SHANK2: variants seen among roughly 807,000 people sequenced by gnomAD.
SHANK2 encodes SH3 and multiple ankyrin repeat domains 2.
A neutral mutation model predicts 133.7 loss-of-function variants in SHANK2; 43 were observed. That is an observed-to-expected ratio of 0.32 (90% confidence interval 0.25 to 0.41). The LOEUF (loss-of-function observed/expected upper bound fraction) is 0.41. Among genes scored for constraint, SHANK2 ranks in the 10% least tolerant of loss-of-function variants. The pLI is 1.00. For synonymous variants in SHANK2, 1,017 were observed against 952.8 expected, an observed-to-expected ratio of 1.07 and a Z score of -1.24; for missense variants, 1,994 against 2,235.8, an observed-to-expected ratio of 0.89 and a Z score of 2.18.
Position 70,487,900 on chromosome 11 carries a change from A to C in SHANK2, c.2573-180T>G, listed in dbSNP as rs528007611. Among the ~76,000 whole-genome samples the C allele has an allele frequency of 6.6e-6, 1 of 152,312 alleles. No individual in the cohort carries two copies. The highest frequency in any genetic ancestry group is 1.9e-4 in the East Asian group (1 of 5,180). On this transcript the variant is annotated intron_variant, in intron 24 of 25. Coordinates refer to ENST00000601538, the MANE Select transcript of SHANK2 (RefSeq NM_012309.5). The surrounding 1 kb of genome is among the most constrained non-coding windows in gnomAD (Gnocchi z 5.8). The stretch of plus-strand genomic sequence containing the variant: ...TAGTCACATGGCCCGTCGTGAGCCA[A>C]AGGACAAGAAAGGGAAGAACAGAAA...
chr11:70,881,574 TTAATAA>T (rs71049950), intron 11 of SHANK2, among the ~76,000 whole-genome samples: 1 of 39,338 alleles, frequency 2.5e-5, no homozygotes, highest in African/African-American at 4.2e-5. Context: ...AATAATAATA[TTAATAA>T]TAATAATAAT....
rs1440287740 is a variant in SHANK2 at position 70,837,941 on chromosome 11, T to C, written c.1175-17259A>G. 2.6e-5 allele frequency among the ~76,000 whole-genome samples: 3 copies of C among 117,184 alleles called. No individual in the cohort carries two copies. In the South Asian group the frequency reaches 8.4e-4, roughly 33 times the overall value. The allele number at this position is 117,184 out of a possible 152,430, so 76.9% of individuals were successfully genotyped here. A position where few individuals can be genotyped will look rare whatever the true frequency, so the allele number is the denominator to read the frequency against. The stretch of plus-strand genomic sequence containing the variant: ...GTGAGCCAAGATGGTGCCATTGCAC[T>C]CCAGCCTGGGCAACAGAGCAAAACA... On this transcript the variant is annotated intron_variant, in intron 11 of 25. Coordinates refer to ENST00000601538, the MANE Select transcript of SHANK2 (RefSeq NM_012309.5).
chr11:71,140,161 AC>A, intron 3 of SHANK2, among the ~76,000 whole-genome samples: 1 of 152,290 alleles, frequency 6.6e-6, no homozygotes, highest in Admixed American at 6.5e-5. Context: ...GAGAGCTCAC[AC>A]CCGGGGGATT....
chr11:71,154,831 C>T (rs1398224148), intron 2 of SHANK2, among the ~76,000 whole-genome samples: 2 of 128,690 alleles, frequency 1.6e-5, no homozygotes, highest in Non-Finnish European at 3.3e-5. Flanking sequence ...CCCCAGCCCA[C>T]GCTCCCAGAG....
chr11:70,728,518 G>C (rs891359956), intron 14 of SHANK2, among the ~76,000 whole-genome samples: 1 of 152,254 alleles, frequency 6.6e-6, no homozygotes, highest in Non-Finnish European at 1.5e-5. Context: ...AGGAGCCCCA[G>C]ATGAAAGCCA....
intron 17 of SHANK2, among the ~76,000 whole-genome samples, chr11:70,637,823 G>A (rs558573053): frequency 6.6e-6 from 1 of 152,368 alleles, no homozygotes; most frequent in South Asian, 2.1e-4. Context: ...AGGAGCCTTG[G>A]TATCCCAGCC....
chr11:70,798,043 G>A (rs983059557), intron 14 of SHANK2, among the ~76,000 whole-genome samples: 1 of 152,122 alleles, frequency 6.6e-6, no homozygotes, highest in Non-Finnish European at 1.5e-5. Context: ...TTACGGAGGC[G>A]TTTGCTACGT....
At chr11:70,854,371 G>A (rs1949136069) in intron 11 of SHANK2, among the ~76,000 whole-genome samples, 1 of 152,212 alleles carries the variant, frequency 6.6e-6, no homozygotes, top group South Asian at 2.1e-4. Context: ...AAGAAACCCA[G>A]TGCCTTGTAA....
At chr11:70,764,129 G>A (rs140469148) in intron 14 of SHANK2, among the ~76,000 whole-genome samples, 1 of 59,288 alleles carries the variant, frequency 1.7e-5, no homozygotes, top group African/African-American at 6.2e-5. Context: ...CACACATCAA[G>A]CCTTCCTTTA....
chr11:70,649,527 G>A (rs1555009521), intron 17 of SHANK2, among the ~76,000 whole-genome samples: 1 of 152,196 alleles, frequency 6.6e-6, no homozygotes, highest in East Asian at 1.9e-4. Context: ...TCATTTGCCA[G>A]TCTAACCACT....
At chr11:71,074,683 C>G (rs1951195572) in intron 9 of SHANK2, among the ~76,000 whole-genome samples, 1 of 151,690 alleles carries the variant, frequency 6.6e-6, no homozygotes. Context: ...GTGAGGGCCA[C>G]TAAGGGGCAG....
intron 2 of SHANK2, among the ~76,000 whole-genome samples, chr11:71,219,720 G>T (rs1030249470): frequency 6.6e-6 from 1 of 151,568 alleles, no homozygotes; most frequent in African/African-American, 2.4e-5. Context: ...GTAAAATCCC[G>T]TCTCTACTAA....
intron 11 of SHANK2, among the ~76,000 whole-genome samples, chr11:70,868,470 A>G (rs532796220): frequency 6.6e-6 from 1 of 152,332 alleles, no homozygotes; most frequent in East Asian, 1.9e-4. Context: ...GAGGCTATTG[A>G]CTATTATTTA....
intron 1 of SHANK2, among the ~76,000 whole-genome samples, chr11:71,250,048 T>C (rs1948152342): frequency 6.6e-6 from 1 of 152,060 alleles, no homozygotes; most frequent in Non-Finnish European, 1.5e-5. Context: ...CAAATAGGAA[T>C]ACGGTTTTCT....
At chr11:70,537,763 G>A (rs782117994) in intron 17 of SHANK2, among the ~76,000 whole-genome samples, 40 of 152,252 alleles carry the variant, frequency 2.6e-4, no homozygotes, top group African/African-American at 7.5e-4. Flanking sequence ...GCAGAGGCAC[G>A]AGTCAGCTCT....
chr11:70,764,754 A>G (rs1555040991), intron 14 of SHANK2, among the ~76,000 whole-genome samples: 3 of 151,310 alleles, frequency 2.0e-5, no homozygotes, highest in Non-Finnish European at 4.4e-5. Context: ...CCATTCACAC[A>G]TCTGTCCATC....
chr11:71,182,069 G>A (rs1265031798), intron 2 of SHANK2, among the ~76,000 whole-genome samples: 2 of 151,940 alleles, frequency 1.3e-5, no homozygotes, highest in African/African-American at 2.4e-5. Flanking sequence ...TCCTGAGGAG[G>A]AACAGAAATC....
intron 2 of SHANK2, among the ~76,000 whole-genome samples, chr11:71,161,101 G>C (rs1953005574): frequency 6.6e-6 from 1 of 152,198 alleles, no homozygotes. Context: ...TTCAAGGTAT[G>C]ATGGGAAGTG....
chr11:70,606,675 G>C (rs1321858656), intron 17 of SHANK2, among the ~76,000 whole-genome samples: 1 of 152,076 alleles, frequency 6.6e-6, no homozygotes, highest in Non-Finnish European at 1.5e-5. Context: ...AGGGCCTGTG[G>C]TCATCCTCAC....
Sources: gnomAD v4.1 joint callset for allele counts (sites outside exome capture counted in the v4.1 genomes callset) on GRCh38, gnomAD v4.1.1 for gene constraint, Gnocchi (gnomAD v3.1) non-coding constraint, MANE v1.5 for transcripts, NCBI Gene and HGNC (gene_info 2026-07-23, HGNC 2026-07-21) for gene names.